Variants in CARS1 observed in about 807,000 individuals in gnomAD.
The protein encoded by CARS1 is cysteine--tRNA ligase, cytoplasmic.
In CARS1, 48 loss-of-function variants were observed where a neutral mutation model predicts 106.2. The observed-to-expected ratio is 0.45, with a 90% CI of 0.36 to 0.57. The LOEUF is 0.57. CARS1 is among the 20% of genes least tolerant of loss of function. The pLI is 0.00. For synonymous variants in CARS1, 409 were observed against 403.4 expected, an observed-to-expected ratio of 1.01 and a Z score of -0.17; for missense variants, 968 against 1,057.2, an observed-to-expected ratio of 0.92 and a Z score of 1.17.
At chr11:3,002,678 A>T (rs1849504507) in intron 20 of CARS1, 78 bp from the exon 21 acceptor site, 2 of 1,595,722 alleles carry the variant, frequency 1.3e-6, no homozygotes, top group Non-Finnish European at 1.7e-6. Flanking sequence ...GGTCTAGCCA[A>T]ACAAGCCCCT....
chr11:3,051,841 G>A (rs530065169), intron 1 of CARS1, among the ~76,000 whole-genome samples: 1 of 152,244 alleles, frequency 6.6e-6, no homozygotes, highest in South Asian at 2.1e-4. Context: ...GCCTGGGTTG[G>A]ACTCCACGAC....
chr11:3,043,156 G>A lies in CARS1; in HGVS notation c.275-900C>T, dbSNP rs949517730. The stretch of plus-strand genomic sequence containing the variant: ...GTTCCCCTCCACTCGCCTGTGGGCC[G>A]CCTGGGCTGCTCTGAGCACACTGCT... On this transcript the variant is annotated intron_variant, in intron 2 of 22. Transcript: ENST00000380525. The surrounding 1 kb of genome is among the most constrained non-coding windows in gnomAD (Gnocchi z 4.0). 5.3e-5 allele frequency among the ~76,000 whole-genome samples: 8 copies of A among 152,182 alleles called. No homozygotes were observed. In the South Asian group the frequency reaches 6.2e-4, roughly 12 times the overall value.
rs769225448 is a variant in CARS1 at position 3,046,333 on chromosome 11, C to A, written c.274+1420G>T. The stretch of plus-strand genomic sequence containing the variant: ...CCCGCTTCACCCTCCCTAATCCTGC[C>A]CCCCTCTGGCTGTGTCTTGGAATGG... On this transcript the variant is annotated intron_variant, in intron 2 of 22. Transcript: ENST00000380525. The surrounding 1 kb of genome is among the most constrained non-coding windows in gnomAD (Gnocchi z 5.8). Among the ~76,000 whole-genome samples the A allele has an allele frequency of 6.6e-6, 1 of 152,152 alleles. No homozygotes were observed. Among genetic ancestry groups the A allele is most frequent in the Non-Finnish European group, 1.5e-5 (1 of 68,034 alleles).
rs1287160733 is a variant in CARS1, at chr11:3,029,943, C to G, written c.802-500G>C. 1 of 155,406 alleles carries G rather than the reference C, an allele frequency of 6.4e-6. No individual in the cohort carries two copies. 9.6% of individuals were successfully genotyped at this position (155,406 alleles called of 1,614,324 possible). On this transcript the variant is annotated intron_variant, in intron 7 of 22. Transcript: ENST00000380525. This position sits in a 1 kb window ranked among gnomAD's most constrained non-coding sequence, Gnocchi z 5.9. ...TGACGCCATTGACTGAAGATGCCATCCCCACTTGACACACCATGGAATGGG... is the reference window on the plus strand; with the variant it reads ...TGACGCCATTGACTGAAGATGCCATGCCCACTTGACACACCATGGAATGGG...
chr11:3,057,175 C>A (rs1248297413), intron 1 of CARS1, among the ~76,000 whole-genome samples, 168 bp downstream of exon 1: 1 of 152,102 alleles, frequency 6.6e-6, no homozygotes, highest in Non-Finnish European at 1.5e-5. Context: ...GCACTGACAC[C>A]CCTCAGACCT....
rs1048247567 is a variant in CARS1, at chr11:3,052,717, G to A, written c.25+4626C>T. ...GACGCAGACAGTCATTTGGGTAATC[G>A]TGGTAGCTGCATTTAAGTGTGTCTC... On this transcript the variant is annotated intron_variant, in intron 1 of 22. Transcript: ENST00000380525. The surrounding 1 kb of genome is among the most constrained non-coding windows in gnomAD (Gnocchi z 4.6). 1.2e-4 allele frequency among the ~76,000 whole-genome samples: 18 copies of A among 152,178 alleles called. No individual in the cohort carries two copies. The highest frequency in any genetic ancestry group is 3.6e-4 in the African/African-American group (15 of 41,438).
At chr11:3,006,814 G>T in intron 19 of CARS1, 65 bp downstream of exon 19, 1 of 1,258,900 alleles carries the variant, frequency 7.9e-7, no homozygotes, top group Non-Finnish European at 1.2e-6. Context: ...AGCCCCGGGA[G>T]CTCTCCTTGT....
At chr11:3,031,813 G>GA (rs1405824320) in intron 7 of CARS1, among the ~76,000 whole-genome samples, 3 of 152,110 alleles carry the variant, frequency 2.0e-5, no homozygotes, top group Non-Finnish European at 2.9e-5. Context: ...TCAGACAGTT[G>GA]AAAACCCCAG....
At position 3,052,631 on chromosome 11, in the gene CARS1, C is replaced by T. The variant is rs1855812518; in HGVS notation, c.26-4630G>A. On this transcript the variant is annotated intron_variant, in intron 1 of 22. Coordinates refer to ENST00000380525, the MANE Select transcript of CARS1 (RefSeq NM_001014437.3). The surrounding 1 kb of genome is among the most constrained non-coding windows in gnomAD (Gnocchi z 4.6). Reference sequence around the variant, plus strand: ...AGACCATGCTTGGGAAGGATCTTCTCAGAGCAGAAAGGTGCTGGTGCCCAG... The same window carrying T: ...AGACCATGCTTGGGAAGGATCTTCTTAGAGCAGAAAGGTGCTGGTGCCCAG... Among the ~76,000 whole-genome samples the T allele has an allele frequency of 6.6e-6, 1 of 152,216 alleles. No homozygotes were observed. Among genetic ancestry groups the T allele is most frequent in the Admixed American group, 6.5e-5 (1 of 15,292 alleles).
intron 19 of CARS1, 130 bp from the exon 20 acceptor site, chr11:3,005,563 G>A: frequency 4.8e-6 from 3 of 621,284 alleles, no homozygotes; most frequent in Admixed American, 2.9e-5. Context: ...GCCCACAGGA[G>A]AAAAACAAAC....
rs1396853711 is a variant in CARS1 at position 3,021,571 on chromosome 11, C to T, written c.1154-1239G>A. Among the ~76,000 whole-genome samples the T allele has an allele frequency of 6.6e-6, 1 of 152,098 alleles. No homozygotes were observed. The highest frequency in any genetic ancestry group is 6.6e-5 in the Admixed American group (1 of 15,262). ...CCGCTAAATATATTTTTCTAAACAC[C>T]AAGTTCATGATTATAAAATATGTAC... On this transcript the variant is annotated intron_variant, in intron 10 of 22. Coordinates refer to ENST00000380525, the MANE Select transcript of CARS1 (RefSeq NM_001014437.3). This position sits in a 1 kb window ranked among gnomAD's most constrained non-coding sequence, Gnocchi z 5.3.
intron 9 of CARS1, chr11:3,027,760 T>G (rs1852248216): frequency 2.2e-6 from 1 of 448,438 alleles, no homozygotes; most frequent in Non-Finnish European, 4.5e-6. Context: ...AAGGGTTCCT[T>G]GGTCTAGTGG....
intron 16 of CARS1, 108 bp from the exon 17 acceptor site, chr11:3,015,957 C>G: frequency 1.1e-6 from 1 of 911,722 alleles, no homozygotes; most frequent in Non-Finnish European, 1.8e-6. Flanking sequence ...GCCCCAAGAC[C>G]AGGAAAGAGA....
At position 3,045,978 on chromosome 11, in the gene CARS1, TCA is replaced by T; in HGVS notation, c.274+1773_274+1774del. Among the ~76,000 whole-genome samples, 1 of 152,104 alleles carries T rather than the reference TCA, an allele frequency of 6.6e-6. No individual in the cohort carries two copies. Among genetic ancestry groups the T allele is most frequent in the African/African-American group, 2.4e-5 (1 of 41,414 alleles). ...TCCCACCTCCCCCTTCAGCCCCTGC[TCA>T]GTGTACAGCAAGCTTGAGTGAGGGT... is the stretch of plus-strand genomic sequence containing the variant. On this transcript the variant is annotated intron_variant, in intron 2 of 22. Coordinates refer to ENST00000380525, the MANE Select transcript of CARS1 (RefSeq NM_001014437.3). The surrounding 1 kb of genome is among the most constrained non-coding windows in gnomAD (Gnocchi z 5.6).
Position 3,017,815 on chromosome 11 carries a change from A to C in CARS1, c.1727+42T>G, listed in dbSNP as rs751884366. ...CAAGATGCGAGGCTAGGCATAGAACATGGGCATGCTCAAAAACCCCAAAGA... is the reference window on the plus strand; with the variant it reads ...CAAGATGCGAGGCTAGGCATAGAACCTGGGCATGCTCAAAAACCCCAAAGA... On this transcript the variant is annotated intron_variant, in intron 15 of 22. Coordinates refer to ENST00000380525, the MANE Select transcript of CARS1 (RefSeq NM_001014437.3). This position sits in a 1 kb window ranked among gnomAD's most constrained non-coding sequence, Gnocchi z 4.9. 1.5e-6 allele frequency: 2 copies of C among 1,346,782 alleles called. No individual in the cohort carries two copies. Among genetic ancestry groups the C allele is most frequent in the East Asian group, 4.6e-5 (2 of 43,656 alleles). The allele number at this position is 1,346,782 out of a possible 1,614,324, so 83.4% of individuals were successfully genotyped here. A position where few individuals can be genotyped will look rare whatever the true frequency, so the allele number is the denominator to read the frequency against.
In CARS1 at chr11:3,046,637, G is replaced by T. The variant is rs1438919800; in HGVS notation, c.274+1116C>A. On this transcript the variant is annotated intron_variant, in intron 2 of 22. Transcript: ENST00000380525. The surrounding 1 kb of genome is among the most constrained non-coding windows in gnomAD (Gnocchi z 5.8). Reference sequence around the variant, plus strand: ...GCCTGACCCACGGCAGAGGCGGGGGGGCATGTTCCCAATCCCAGGCCCCAA... The same window carrying T: ...GCCTGACCCACGGCAGAGGCGGGGGTGCATGTTCCCAATCCCAGGCCCCAA... Among the ~76,000 whole-genome samples, 5 of 152,138 alleles carry T rather than the reference G, an allele frequency of 3.3e-5. No homozygotes were observed. The highest frequency in any genetic ancestry group is 5.9e-5 in the Non-Finnish European group (4 of 68,010).
At chr11:3,013,877 A>G (rs1333652565) in intron 17 of CARS1, among the ~76,000 whole-genome samples, 2 of 152,134 alleles carry the variant, frequency 1.3e-5, no homozygotes, top group East Asian at 1.9e-4. Context: ...TCCTATATCC[A>G]TAACTGAATA....
rs368316481 is a variant in CARS1 at position 3,020,314 on chromosome 11, G to A, written c.1172C>T (p.Ala391Val). 1 of 1,613,174 alleles carries A rather than the reference G, an allele frequency of 6.2e-7. No individual in the cohort carries two copies. The highest frequency in any genetic ancestry group is 1.3e-5 in the African/African-American group (1 of 75,034). ...QEGEGDLSIS[A>V]DRLSEKRSPN... is the part of the protein sequence containing the mutation. ...AGAGCGCTTCTCACTCAGGCGGTCT[G>A]CAGAGATGCTCAGGTCACCTGCAAA... The change falls in exon 11 of 23, where the codon GCA (alanine) becomes GTA (valine). Residue 391 changes from alanine (A) to valine (V), a missense_variant. Physicochemically the swap from Ala to Val is moderately conservative, Grantham distance 64. Transcript: ENST00000380525. The surrounding 1 kb of genome is among the most constrained non-coding windows in gnomAD (Gnocchi z 4.6).
In CARS1 at chr11:3,029,346, T is replaced by C. The variant is rs1298684784; in HGVS notation, c.899A>G (p.Lys300Arg). The change falls in exon 8 of 23, where the codon AAG (lysine) becomes AGG (arginine). Residue 300 changes from lysine to arginine, a missense_variant. Transcript: ENST00000380525. The surrounding 1 kb of genome is among the most constrained non-coding windows in gnomAD (Gnocchi z 5.9). ...TCTGTGGAAGTCCCCCTCCCAGAAC[T>C]TGGGCAGCTTGGAGAAGATGGAATT... Reference protein sequence around the residue: ...TDNSIFSKLPKFWEGDFHRDM... With the variant: ...TDNSIFSKLPRFWEGDFHRDM... 6.2e-7 allele frequency: 1 copy of C among 1,613,934 alleles called. No individual in the cohort carries two copies. The highest frequency in any genetic ancestry group is 1.3e-5 in the African/African-American group (1 of 74,926).
Sources: gnomAD v4.1 joint callset for allele counts (sites outside exome capture counted in the v4.1 genomes callset) on GRCh38, gnomAD v4.1.1 for gene constraint, Gnocchi (gnomAD v3.1) non-coding constraint, MANE v1.5 for transcripts, NCBI Gene and HGNC (gene_info 2026-07-23, HGNC 2026-07-21) for gene names.